DMD: variants seen among roughly 807,000 people sequenced by gnomAD.
The protein encoded by DMD is dystrophin.
Under a neutral mutation model 330.1 loss-of-function variants are expected in DMD, and 63 were observed. The observed-to-expected ratio is 0.19, with a 90% CI of 0.16 to 0.24. DMD has a LOEUF of 0.24. Ranked by LOEUF, DMD falls within the 10% of genes least tolerant of loss-of-function variation. The probability of loss-of-function intolerance (pLI) is 1.00; values close to 1 mark genes in which losing one functional copy is unlikely to be tolerated. For missense variants in DMD, 3,344 were observed against 2,684.1 expected, an observed-to-expected ratio of 1.25 and a Z score of -5.43; for synonymous variants, 1,223 against 959.8, an observed-to-expected ratio of 1.27 and a Z score of -5.07.
At chrX:31,900,966 G>A (rs1402690664) in intron 47 of DMD, among the ~76,000 whole-genome samples, 1 of 111,629 alleles carries the variant, frequency 9.0e-6, no homozygotes, top group Non-Finnish European at 1.9e-5. Context: ...ATCAGTATTT[G>A]TTGTATGTGC....
intron 2 of DMD, among the ~76,000 whole-genome samples, chrX:32,975,132 T>C (rs756055406): frequency 2.7e-5 from 3 of 110,887 alleles, no homozygotes; most frequent in African/African-American, 9.8e-5. Context: ...GCATCATTTT[T>C]TTTTTCTGAA....
intron 51 of DMD, among the ~76,000 whole-genome samples, chrX:31,748,399 T>G (rs982042078): frequency 8.9e-6 from 1 of 112,176 alleles, no homozygotes; most frequent in African/African-American, 3.2e-5. Context: ...ATTAGGAACC[T>G]GAGAGATGCA....
At chrX:32,787,498 GA>G (rs2075486214) in intron 7 of DMD, among the ~76,000 whole-genome samples, 1 of 110,107 alleles carries the variant, frequency 9.1e-6, no homozygotes, top group Non-Finnish European at 1.9e-5. Context: ...TTCCACGGGG[GA>G]TATGTTCCAA....
intron 2 of DMD, among the ~76,000 whole-genome samples, chrX:32,920,331 C>T (rs1274364806): frequency 8.9e-6 from 1 of 111,867 alleles, no homozygotes; most frequent in Non-Finnish European, 1.9e-5. Flanking sequence ...ATCTGAACTT[C>T]AAATACACTC....
chrX:32,647,618 A>G (rs777927993), intron 9 of DMD, among the ~76,000 whole-genome samples: 15 of 112,095 alleles, frequency 1.3e-4, no homozygotes, highest in Non-Finnish European at 2.3e-4. Flanking sequence ...GGAGTTACCT[A>G]GCCCTGCATA....
intron 29 of DMD, among the ~76,000 whole-genome samples, chrX:32,419,186 TAG>T (rs1321991684): frequency 9.0e-6 from 1 of 110,678 alleles, no homozygotes; most frequent in Non-Finnish European, 1.9e-5. Context: ...CCAAAAAGAA[TAG>T]AGTTAGGATT....
chrX:31,982,084 T>A (rs1274691379), intron 44 of DMD, among the ~76,000 whole-genome samples: 3 of 112,441 alleles, frequency 2.7e-5, no homozygotes, highest in Non-Finnish European at 3.8e-5. Flanking sequence ...TGACAACTCG[T>A]TCTTACACCA....
intron 7 of DMD, among the ~76,000 whole-genome samples, chrX:32,754,714 T>C (rs1394143134): frequency 9.0e-6 from 1 of 111,444 alleles, no homozygotes; most frequent in Non-Finnish European, 1.9e-5. Flanking sequence ...TCACGGCAAA[T>C]CTGTAAAATA....
At chrX:32,150,225 C>T (rs188243475) in intron 44 of DMD, among the ~76,000 whole-genome samples, 23 of 112,120 alleles carry the variant, frequency 2.1e-4, no homozygotes, top group African/African-American at 7.1e-4. Context: ...ATAAAAATAA[C>T]GTGGAAAGTT....
rs59845159 is a variant in DMD, at chrX:31,314,779, A to AGT, written c.9224+8817_9224+8818dup. On this transcript the variant is annotated intron_variant, in intron 62 of 78. Coordinates refer to ENST00000357033, the MANE Select transcript of DMD (RefSeq NM_004006.3). ...GAGAGAGAGAGAGAGAGAGAGAGAG[A>AGT]GTGTTTTACCGTGTTAACATTTTTC... Among the ~76,000 whole-genome samples the AGT allele has an allele frequency of 9.1e-4, 85 of 93,440 alleles. 2 individuals are homozygous for AGT. Among genetic ancestry groups the AGT allele is most frequent in the African/African-American group, 3.2e-3 (74 of 23,255 alleles). 81.1% of individuals were successfully genotyped at this position (93,440 alleles called of 115,157 possible).
intron 1 of DMD, among the ~76,000 whole-genome samples, chrX:33,113,600 CCA>C (rs1421463125): frequency 2.0e-5 from 2 of 100,751 alleles, no homozygotes; most frequent in African/African-American, 7.1e-5. Flanking sequence ...GCCCCCCCCC[CCA>C]AAAAAATCTT....
At chrX:31,971,502 G>A (rs1302397127) in intron 44 of DMD, among the ~76,000 whole-genome samples, 2 of 111,077 alleles carry the variant, frequency 1.8e-5, no homozygotes, top group East Asian at 5.7e-4. Flanking sequence ...TTTTAATTTT[G>A]TGAAAGAAGA....
intron 18 of DMD, among the ~76,000 whole-genome samples, chrX:32,510,802 T>G (rs2045216561): frequency 9.0e-6 from 1 of 111,203 alleles, no homozygotes; most frequent in Non-Finnish European, 1.9e-5. Flanking sequence ...AAACTGCATA[T>G]TAGTTAGGGA....
chrX:31,802,863 G>C (rs2092129483), intron 50 of DMD, among the ~76,000 whole-genome samples: 1 of 111,103 alleles, frequency 9.0e-6, no homozygotes, highest in Admixed American at 9.6e-5. Flanking sequence ...CTGAAAACAG[G>C]GCCTGGATGA....
chrX:32,783,251 T>A (rs1437811168), intron 7 of DMD, among the ~76,000 whole-genome samples: 2 of 99,990 alleles, frequency 2.0e-5, no homozygotes, highest in African/African-American at 3.6e-5. Flanking sequence ...TATGTGTATA[T>A]ACGTATATAC....
At chrX:31,750,300 C>T (rs1265211344) in intron 51 of DMD, among the ~76,000 whole-genome samples, 5 of 106,234 alleles carry the variant, frequency 4.7e-5, no homozygotes, top group African/African-American at 1.7e-4. Flanking sequence ...AGTCTTTAAT[C>T]CATCTTGAAT....
At chrX:32,820,116 C>T (rs2078110951) in intron 5 of DMD, among the ~76,000 whole-genome samples, 1 of 112,014 alleles carries the variant, frequency 8.9e-6, no homozygotes. Context: ...TTCTGATATT[C>T]CTCATTGCAA....
chrX:32,039,356 A>G (rs1156773263), intron 44 of DMD, among the ~76,000 whole-genome samples: 2 of 111,625 alleles, frequency 1.8e-5, no homozygotes, highest in African/African-American at 6.5e-5. Flanking sequence ...TTTGCTTCAA[A>G]TTATACAGCT....
At chrX:32,196,861 C>T (rs763281812) in intron 44 of DMD, among the ~76,000 whole-genome samples, 1 of 108,530 alleles carries the variant, frequency 9.2e-6, no homozygotes, top group South Asian at 4.1e-4. Context: ...TAGCCAGCGC[C>T]TGTAGTACCA....
Sources: gnomAD v4.1 joint callset for allele counts (sites outside exome capture counted in the v4.1 genomes callset) on GRCh38, gnomAD v4.1.1 for gene constraint, MANE v1.5 for transcripts, NCBI Gene and HGNC (gene_info 2026-07-23, HGNC 2026-07-21) for gene names.